The following TUBD1 variants were observed in gnomAD, a reference collection of about 807,000 sequenced individuals.
TUBD1 encodes tubulin delta 1, also known as tubulin delta chain.
A neutral mutation model predicts 51.2 loss-of-function variants in TUBD1; 38 were observed. The ratio of observed to expected loss-of-function variants is 0.74; its 90% CI spans 0.57 to 0.97. The LOEUF (loss-of-function observed/expected upper bound fraction) is 0.97. TUBD1 is among the 50% of genes least tolerant of loss of function. The pLI is 0.00. For synonymous variants in TUBD1, 169 were observed against 178.2 expected, an observed-to-expected ratio of 0.95 and a Z score of 0.41; for missense variants, 489 against 538.4, an observed-to-expected ratio of 0.91 and a Z score of 0.91.
chr17:59,872,697 T>C (rs1331259930), intron 6 of TUBD1, among the ~76,000 whole-genome samples: 2 of 67,376 alleles, frequency 3.0e-5, no homozygotes, highest in Non-Finnish European at 6.7e-5. Context: ...AATGGGAATG[T>C]GTGTGTGTGT....
At chr17:59,873,043 G>C (rs146706847) in intron 6 of TUBD1, among the ~76,000 whole-genome samples, 3 of 151,454 alleles carry the variant, frequency 2.0e-5, no homozygotes, top group African/African-American at 7.3e-5. Context: ...GATTACAGGC[G>C]TGAGCTACTG....
At position 59,863,683 on chromosome 17, in the gene TUBD1, A is replaced by G. The variant is rs1225191047; in HGVS notation, c.1240T>C (p.Trp414Arg). ...KPLDMIVGKAWNMFASKAYIH... is the reference protein window; with the variant it reads ...KPLDMIVGKARNMFASKAYIH... ...ACTTACTTTGAAGCAAACATATTCC[A>G]TGCCTTCCCAACAATCATATCAAGT... The change falls in exon 8 of 9, where the codon TGG (tryptophan) becomes CGG (arginine). Residue 414 changes from tryptophan to arginine, a missense_variant. Trp to Arg is a moderately radical substitution (Grantham distance 101, BLOSUM62 -3). Transcript: ENST00000325752. 17 of 1,582,980 alleles carry G rather than the reference A, an allele frequency of 1.1e-5. No homozygotes were observed. Among genetic ancestry groups the G allele is most frequent in the Non-Finnish European group, 1.5e-5 (17 of 1,170,084 alleles).
chr17:59,886,828 A>C (rs2040757635), intron 2 of TUBD1, among the ~76,000 whole-genome samples: 1 of 151,874 alleles, frequency 6.6e-6, no homozygotes, highest in Non-Finnish European at 1.5e-5. Flanking sequence ...AGGCAGGTGG[A>C]TCACTTGAGG....
intron 1 of TUBD1, among the ~76,000 whole-genome samples, chr17:59,892,292 A>C (rs1712698867): frequency 6.6e-6 from 1 of 152,214 alleles, no homozygotes; most frequent in African/African-American, 2.4e-5. Flanking sequence ...CTGTAATCCC[A>C]GTACTTTGGG....
rs368150791 is a variant in TUBD1, at chr17:59,875,021, A to G, written c.770-318T>C. 3.3e-5 allele frequency among the ~76,000 whole-genome samples: 5 copies of G among 151,582 alleles called. No individual in the cohort carries two copies. The East Asian group carries it at 7.7e-4, about 23-fold the overall frequency. ...ACTCCAGGCAAACAAAGTAAACATGAGAACTGATATGCTTTTCTTGTCATT... is the reference window on the plus strand; with the variant it reads ...ACTCCAGGCAAACAAAGTAAACATGGGAACTGATATGCTTTTCTTGTCATT... On this transcript the variant is annotated intron_variant, in intron 5 of 8. Transcript: ENST00000325752.
intron 4 of TUBD1, among the ~76,000 whole-genome samples, chr17:59,879,467 G>A (rs938550419): frequency 6.6e-6 from 1 of 151,994 alleles, no homozygotes; most frequent in Non-Finnish European, 1.5e-5. Context: ...ACAGAGTCTT[G>A]CTCTGTGGCC....
intron 5 of TUBD1, among the ~76,000 whole-genome samples, chr17:59,875,099 T>C (rs185947609): frequency 1.9e-4 from 19 of 97,760 alleles, no homozygotes; most frequent in Middle Eastern, 8.3e-3. Flanking sequence ...TTTTTTGGGA[T>C]GGAGTCTTGT....
In TUBD1 at chr17:59,859,864, T is replaced by C. The variant is rs886952073; in HGVS notation, c.*458A>G. ...TCTTTATAAAAGCACCATTTTTTTTTCTTACAAATGAAATACCAAGTGAAT... is the reference window on the plus strand; with the variant it reads ...TCTTTATAAAAGCACCATTTTTTTTCCTTACAAATGAAATACCAAGTGAAT... On this transcript the variant is annotated 3_prime_UTR_variant, in exon 9 of 9. Coordinates refer to ENST00000325752, the MANE Select transcript of TUBD1 (RefSeq NM_016261.4). 3 of 152,152 alleles carry C rather than the reference T, an allele frequency of 2.0e-5. No individual in the cohort carries two copies. The highest frequency in any genetic ancestry group is 6.6e-5 in the Admixed American group (1 of 15,256). The allele number at this position is 152,152 out of a possible 1,614,324, so 9.4% of individuals were successfully genotyped here.
chr17:59,878,665 A>C, intron 4 of TUBD1: 1 of 229,306 alleles, frequency 4.4e-6, no homozygotes, highest in Non-Finnish European at 8.7e-6. Flanking sequence ...TTTTTAGTAG[A>C]GACAGGGTTT....
intron 3 of TUBD1, 140 bp from the exon 4 acceptor site, chr17:59,881,250 C>T: frequency 1.5e-6 from 1 of 664,052 alleles, no homozygotes; most frequent in Non-Finnish European, 2.5e-6. Context: ...TACAGGTACC[C>T]TGACTGACAA....
chr17:59,879,774 C>T (rs575672966), intron 4 of TUBD1, among the ~76,000 whole-genome samples: 96 of 150,136 alleles, frequency 6.4e-4, no homozygotes, highest in Non-Finnish European at 1.2e-3. Context: ...TTTTTTAAGA[C>T]GGGAGTCTTG....
chr17:59,863,404 T>A (rs2039551208), intron 8 of TUBD1, among the ~76,000 whole-genome samples: 1 of 152,120 alleles, frequency 6.6e-6, no homozygotes. Context: ...AGGTCAGAAG[T>A]TCGAGACCAG....
chr17:59,862,952 C>T (rs2039529804), intron 8 of TUBD1, among the ~76,000 whole-genome samples: 1 of 151,968 alleles, frequency 6.6e-6, no homozygotes, highest in African/African-American at 2.4e-5. Context: ...TCTTGAAATC[C>T]TGACCTCAGC....
intron 6 of TUBD1, 135 bp downstream of exon 6, chr17:59,874,404 G>GT (rs2040133714): frequency 1.5e-5 from 11 of 747,254 alleles, no homozygotes; most frequent in Non-Finnish European, 2.1e-5. Flanking sequence ...AGATGTCCTG[G>GT]TGAGTTTCTG....
chr17:59,890,139 A>G lies in TUBD1; in HGVS notation c.172+692T>C, dbSNP rs972791835. Among the ~76,000 whole-genome samples, 8 of 152,102 alleles carry G rather than the reference A, an allele frequency of 5.3e-5. No homozygotes were observed. In the East Asian group the frequency reaches 1.3e-3, roughly 26 times the overall value. ...CAAGAAAAAGAAAAAAAGAAAAGAAAAACAGTAGTTGGATCTGGTGATTCG... is the reference window on the plus strand; with the variant it reads ...CAAGAAAAAGAAAAAAAGAAAAGAAGAACAGTAGTTGGATCTGGTGATTCG... On this transcript the variant is annotated intron_variant, in intron 2 of 8. Coordinates refer to ENST00000325752, the MANE Select transcript of TUBD1 (RefSeq NM_016261.4).
In TUBD1 at chr17:59,864,354, C is replaced by T. The variant is rs954538311; in HGVS notation, c.1076-507G>A. Among the ~76,000 whole-genome samples, 3 of 151,300 alleles carry T rather than the reference C, an allele frequency of 2.0e-5. No individual in the cohort carries two copies. The Admixed American group carries it at 2.0e-4, about 10-fold the overall frequency. On this transcript the variant is annotated intron_variant, in intron 7 of 8. Transcript: ENST00000325752. Reference sequence around the variant, plus strand: ...AGAGATGGGGTTTCACCATGTTGGCCAGGCTGGTCTCGAACTCCTGGCCTC... The same window carrying T: ...AGAGATGGGGTTTCACCATGTTGGCTAGGCTGGTCTCGAACTCCTGGCCTC...
intron 6 of TUBD1, among the ~76,000 whole-genome samples, chr17:59,871,206 T>G (rs1391448767): frequency 3.3e-5 from 5 of 152,188 alleles, no homozygotes; most frequent in Admixed American, 3.3e-4. Flanking sequence ...TGATATTTAT[T>G]TATTTTTGAG....
At chr17:59,863,037 T>G (rs1467493481) in intron 8 of TUBD1, among the ~76,000 whole-genome samples, 1 of 152,168 alleles carries the variant, frequency 6.6e-6, no homozygotes, top group African/African-American at 2.4e-5. Context: ...ATGTTATTTT[T>G]GAAAACTATC....
At chr17:59,878,447 G>C in intron 4 of TUBD1, 113 bp from the exon 5 acceptor site, 1 of 692,256 alleles carries the variant, frequency 1.4e-6, no homozygotes, top group African/African-American at 1.8e-5. Context: ...CTTTCTAGCC[G>C]TATGACCTTG....
Sources: allele counts gnomAD v4.1 joint callset (sites outside exome capture counted in the v4.1 genomes callset), GRCh38; gene constraint gnomAD v4.1.1; transcripts MANE v1.5; gene names NCBI Gene and HGNC (gene_info 2026-07-23, HGNC 2026-07-21).